Variants in MYO5B observed in about 807,000 individuals in gnomAD.
MYO5B encodes unconventional myosin-Vb.
Under a neutral mutation model 229.3 loss-of-function variants are expected in MYO5B, and 143 were observed. The observed-to-expected ratio is 0.62, with a 90% CI of 0.54 to 0.72. The LOEUF (loss-of-function observed/expected upper bound fraction) is 0.72. MYO5B is among the 30% of genes least tolerant of loss of function. The pLI is 0.00. For synonymous variants in MYO5B, 918 were observed against 885.2 expected, an observed-to-expected ratio of 1.04 and a Z score of -0.66; for missense variants, 2,321 against 2,331.0, an observed-to-expected ratio of 1.00 and a Z score of 0.09.
At chr18:50,074,808 TGGTTTTTTTGGG>T in intron 1 of MYO5B, among the ~76,000 whole-genome samples, 1 of 151,994 alleles carries the variant, frequency 6.6e-6, no homozygotes, top group African/African-American at 2.4e-5. Context: ...TGGAGACCCA[TGGTTTTTTTGGG>T]GGTTTTTTTG....
At chr18:50,176,562 A>G (rs1043475524) in intron 1 of MYO5B, among the ~76,000 whole-genome samples, 2 of 152,204 alleles carry the variant, frequency 1.3e-5, no homozygotes, top group African/African-American at 2.4e-5. Context: ...AGAGTCTTCA[A>G]AAGTTCATCC....
intron 1 of MYO5B, among the ~76,000 whole-genome samples, chr18:50,113,876 A>G (rs978960256): frequency 6.6e-6 from 1 of 152,246 alleles, no homozygotes; most frequent in Non-Finnish European, 1.5e-5. Context: ...TCCAAAGCCT[A>G]AAGAGCTGCT....
chr18:49,945,357 C>A (rs2025359832), intron 14 of MYO5B, among the ~76,000 whole-genome samples: 1 of 152,208 alleles, frequency 6.6e-6, no homozygotes, highest in African/African-American at 2.4e-5. Context: ...CCTTCACCCA[C>A]TGACTTCCTA....
chr18:49,843,289 C>A lies in MYO5B; in HGVS notation c.4563G>T (p.Val1521=). ...TGATGGTGGAGGTCAGCAGGGAGTG[C>A]ACCTTGAGATCGTCGTTGGTGTAGT... ...HADYTNDDLK[V]HSLLTSTING... The change falls in exon 34 of 40, where the codon GTG becomes GTT. Residue 1521 remains valine (V), a synonymous_variant. Coordinates refer to ENST00000285039, the MANE Select transcript of MYO5B (RefSeq NM_001080467.3). 6.2e-7 allele frequency: 1 copy of A among 1,614,188 alleles called. No homozygotes were observed. Among genetic ancestry groups the A allele is most frequent in the South Asian group, 1.1e-5 (1 of 91,084 alleles).
chr18:49,879,964 T>C (rs901158110), intron 23 of MYO5B, among the ~76,000 whole-genome samples: 6 of 152,234 alleles, frequency 3.9e-5, no homozygotes, highest in African/African-American at 1.4e-4. Flanking sequence ...GAGCGCTCGC[T>C]GAGTGTCATG....
At chr18:50,174,904 C>T (rs963159275) in intron 1 of MYO5B, among the ~76,000 whole-genome samples, 1 of 152,204 alleles carries the variant, frequency 6.6e-6, no homozygotes, top group Admixed American at 6.5e-5. Flanking sequence ...CCTGGAAGAA[C>T]ATATCCCATG....
At chr18:49,925,788 G>A (rs957531516) in intron 17 of MYO5B, among the ~76,000 whole-genome samples, 5 of 152,206 alleles carry the variant, frequency 3.3e-5, no homozygotes, top group Admixed American at 3.3e-4. Context: ...ATTGGATGAA[G>A]ATATGTCTGA....
chr18:50,104,393 T>C (rs2031717673), intron 1 of MYO5B, among the ~76,000 whole-genome samples: 1 of 151,890 alleles, frequency 6.6e-6, no homozygotes, highest in African/African-American at 2.4e-5. Flanking sequence ...TTACTTAGTT[T>C]ATGTCTCTAC....
chr18:49,858,591 C>T (rs2024290880), intron 29 of MYO5B, among the ~76,000 whole-genome samples: 1 of 152,234 alleles, frequency 6.6e-6, no homozygotes, highest in South Asian at 2.1e-4. Context: ...CCCCGTAAAC[C>T]TACAGACTGC....
chr18:50,051,477 G>T (rs987411988), intron 2 of MYO5B, among the ~76,000 whole-genome samples: 2 of 152,180 alleles, frequency 1.3e-5, no homozygotes, highest in African/African-American at 4.8e-5. Context: ...ACACTAGAAG[G>T]CAGGAGTCAA....
chr18:50,186,117 A>C (rs2144356326), intron 1 of MYO5B, among the ~76,000 whole-genome samples: 1 of 152,378 alleles, frequency 6.6e-6, no homozygotes, highest in Middle Eastern at 3.4e-3. Context: ...AGTATGAAGG[A>C]TATTTCGCAT....
intron 1 of MYO5B, among the ~76,000 whole-genome samples, chr18:50,130,726 G>A (rs1790411): frequency 0.99 from 150,761 of 152,250 alleles, 74,659 homozygotes; most frequent in Middle Eastern, 1. Flanking sequence ...CAACAATATC[G>A]TCTACACAGG....
intron 39 of MYO5B, among the ~76,000 whole-genome samples, chr18:49,834,599 C>T (rs991255483): frequency 6.6e-6 from 1 of 152,172 alleles, no homozygotes; most frequent in Non-Finnish European, 1.5e-5. Flanking sequence ...TAACCGTTTT[C>T]CCTAATACAT....
intron 1 of MYO5B, among the ~76,000 whole-genome samples, chr18:50,078,764 G>A (rs1331792206): frequency 2.0e-5 from 3 of 152,074 alleles, no homozygotes; most frequent in Admixed American, 6.6e-5. Context: ...CAATGCACAC[G>A]TATGTTTACC....
In MYO5B at chr18:49,966,679, T is replaced by C. The variant is rs927868763; in HGVS notation, c.1323-3649A>G. ...TAAATATCTCAGACTTGTCATTTTC[T>C]AAAGGTTTACACTGGTAGCACTCCA... On this transcript the variant is annotated intron_variant, in intron 10 of 39. Transcript: ENST00000285039. 3.9e-5 allele frequency among the ~76,000 whole-genome samples: 6 copies of C among 152,376 alleles called. No individual in the cohort carries two copies. The South Asian group carries it at 8.3e-4, about 21-fold the overall frequency.
chr18:49,925,495 G>C (rs1159799075), intron 17 of MYO5B, among the ~76,000 whole-genome samples: 1 of 152,192 alleles, frequency 6.6e-6, no homozygotes, highest in Non-Finnish European at 1.5e-5. Flanking sequence ...ATTCATATTT[G>C]GCTCAGAAGA....
intron 1 of MYO5B, among the ~76,000 whole-genome samples, chr18:50,172,079 G>C (rs1356943054): frequency 1.3e-5 from 2 of 152,058 alleles, no homozygotes; most frequent in Non-Finnish European, 2.9e-5. Context: ...CCATGAGTTT[G>C]AGACAAGCCT....
At chr18:49,916,994 C>T (rs2025023399) in intron 17 of MYO5B, among the ~76,000 whole-genome samples, 1 of 152,206 alleles carries the variant, frequency 6.6e-6, no homozygotes, top group African/African-American at 2.4e-5. Context: ...TGTGTGTTCA[C>T]TGCAATCACC....
intron 4 of MYO5B, among the ~76,000 whole-genome samples, chr18:50,032,286 C>T (rs1273215147): frequency 6.6e-6 from 1 of 152,118 alleles, no homozygotes; most frequent in East Asian, 1.9e-4. Context: ...GTGCATCCAG[C>T]AGCACAACCA....
Sources: gnomAD v4.1 joint callset for allele counts (sites outside exome capture counted in the v4.1 genomes callset) on GRCh38, gnomAD v4.1.1 for gene constraint, MANE v1.5 for transcripts, NCBI Gene and HGNC (gene_info 2026-07-23, HGNC 2026-07-21) for gene names.